Variants in MARCHF1 observed in about 807,000 individuals in gnomAD.
MARCHF1 encodes membrane associated ring-CH-type finger 1, also known as E3 ubiquitin-protein ligase MARCHF1.
In MARCHF1, 40 loss-of-function variants were observed where a neutral mutation model predicts 54.2. The observed-to-expected ratio is 0.74, with a 90% CI of 0.57 to 0.96. The LOEUF (loss-of-function observed/expected upper bound fraction) is 0.96, where lower values mean the gene tolerates loss of function less well. Ranked by LOEUF, MARCHF1 falls within the 40% of genes least tolerant of loss-of-function variation. MARCHF1 has a pLI of 0.00. For synonymous variants in MARCHF1, 236 were observed against 236.3 expected (o/e 1.00, Z 0.01); for missense variants, 586 against 656.5 (o/e 0.89, Z 1.17).
intron 5 of MARCHF1, among the ~76,000 whole-genome samples, chr4:163,662,183 T>G (rs1405638719): frequency 6.6e-6 from 1 of 152,038 alleles, no homozygotes; most frequent in Non-Finnish European, 1.5e-5. Context: ...AGTTTTTGGA[T>G]ATTTTCTTTA....
intron 1 of MARCHF1, among the ~76,000 whole-genome samples, chr4:164,149,528 AC>A (rs1217521077): frequency 8.0e-4 from 122 of 152,276 alleles, no homozygotes; most frequent in African/African-American, 2.4e-3. Context: ...TCGAGAAATG[AC>A]TGCTTTTCAG....
chr4:163,637,633 A>C (rs1308097619), intron 5 of MARCHF1, among the ~76,000 whole-genome samples: 1 of 149,600 alleles, frequency 6.7e-6, no homozygotes, highest in East Asian at 2.0e-4. Flanking sequence ...GAACACTTTT[A>C]CACTGTTGGT....
chr4:164,160,411 G>A (rs1730200515), intron 1 of MARCHF1, among the ~76,000 whole-genome samples: 1 of 152,092 alleles, frequency 6.6e-6, no homozygotes, highest in Admixed American at 6.6e-5. Flanking sequence ...CATAGATAGG[G>A]TAAAGTAAAA....
At chr4:163,764,012 G>A (rs183716037) in intron 4 of MARCHF1, among the ~76,000 whole-genome samples, 1 of 152,048 alleles carries the variant, frequency 6.6e-6, no homozygotes, top group East Asian at 1.9e-4. Context: ...CATTCCAAGT[G>A]TACACCACTG....
At chr4:164,031,626 A>C (rs562893562) in intron 2 of MARCHF1, among the ~76,000 whole-genome samples, 1 of 151,952 alleles carries the variant, frequency 6.6e-6, no homozygotes, top group Non-Finnish European at 1.5e-5. Flanking sequence ...TATGTGACGG[A>C]TTATGTCTAT....
intron 4 of MARCHF1, among the ~76,000 whole-genome samples, chr4:163,777,142 AT>A (rs1747331005): frequency 6.6e-6 from 1 of 152,204 alleles, no homozygotes; most frequent in Admixed American, 6.5e-5. Flanking sequence ...GCGTTGGTCA[AT>A]GAATCATGTT....
At chr4:163,823,332 A>G (rs1748751382) in intron 4 of MARCHF1, among the ~76,000 whole-genome samples, 1 of 151,882 alleles carries the variant, frequency 6.6e-6, no homozygotes, top group South Asian at 2.1e-4. Flanking sequence ...TGGATCAGGT[A>G]GTTGATATAT....
At chr4:164,242,911 G>T (rs1340608985) in intron 1 of MARCHF1, among the ~76,000 whole-genome samples, 1 of 144,594 alleles carries the variant, frequency 6.9e-6, no homozygotes, top group Non-Finnish European at 1.5e-5. Context: ...AATGAAGCGA[G>T]AAGGGAAGTT....
intron 1 of MARCHF1, among the ~76,000 whole-genome samples, chr4:164,186,255 G>GA (rs1730967563): frequency 6.6e-6 from 1 of 152,128 alleles, no homozygotes; most frequent in African/African-American, 2.4e-5. Flanking sequence ...TCACCAACGT[G>GA]AATAACGTGT....
intron 3 of MARCHF1, among the ~76,000 whole-genome samples, chr4:163,955,212 TAAA>T (rs574633631): frequency 1.8e-5 from 2 of 111,816 alleles, no homozygotes; most frequent in Non-Finnish European, 1.9e-5. Flanking sequence ...TACTGAACAT[TAAA>T]AAAAAAAAAA....
intron 5 of MARCHF1, among the ~76,000 whole-genome samples, chr4:163,620,606 C>CACACACACACACAGAGAG (rs1282901525): frequency 1.9e-4 from 11 of 56,944 alleles, no homozygotes; most frequent in African/African-American, 4.2e-4. Flanking sequence ...CACACACACA[C>CACACACACACACAGAGAG]AGAGAGAGAG....
chr4:163,827,139 A>C (rs1447800616), intron 4 of MARCHF1, among the ~76,000 whole-genome samples: 1 of 152,030 alleles, frequency 6.6e-6, no homozygotes, highest in Non-Finnish European at 1.5e-5. Flanking sequence ...ACAGGTAGCA[A>C]TGTCTCCTTT....
chr4:164,002,153 T>G (rs542327695), intron 2 of MARCHF1, among the ~76,000 whole-genome samples: 142 of 151,722 alleles, frequency 9.4e-4, no homozygotes, highest in South Asian at 2.7e-3. Context: ...AAAATCCAGA[T>G]TCTCAACAAC....
chr4:163,899,983 C>A (rs1560810681), intron 3 of MARCHF1, among the ~76,000 whole-genome samples: 4 of 151,896 alleles, frequency 2.6e-5, no homozygotes, highest in Non-Finnish European at 5.9e-5. Flanking sequence ...ACATAGCTTG[C>A]TCCTTCATGT....
At chr4:164,072,135 C>T (rs1374632151) in intron 2 of MARCHF1, among the ~76,000 whole-genome samples, 2 of 152,112 alleles carry the variant, frequency 1.3e-5, no homozygotes, top group African/African-American at 2.4e-5. Flanking sequence ...GGCTCCTTCG[C>T]CATTTGATAT....
chr4:164,293,570 T>G lies in MARCHF1; in HGVS notation c.-323+90300A>C, dbSNP rs151020555. Among the ~76,000 whole-genome samples, 11 of 152,378 alleles carry G rather than the reference T, an allele frequency of 7.2e-5. No homozygotes were observed. The East Asian group carries it at 2.1e-3, about 29-fold the overall frequency. Reference sequence around the variant, plus strand: ...AAATGTAATTTGTCTAAAGTTTTTCTTTTAATACAATGATATTTTAGTGTT... The same window carrying G: ...AAATGTAATTTGTCTAAAGTTTTTCGTTTAATACAATGATATTTTAGTGTT... On this transcript the variant is annotated intron_variant, in intron 1 of 9. Transcript: ENST00000514618.
chr4:163,535,376 CCTT>C (rs1218185128), intron 9 of MARCHF1, among the ~76,000 whole-genome samples: 1 of 152,042 alleles, frequency 6.6e-6, no homozygotes, highest in African/African-American at 2.4e-5. Context: ...TTCAATTCTC[CCTT>C]CTTCTCCCCC....
intron 5 of MARCHF1, among the ~76,000 whole-genome samples, chr4:163,632,859 T>G (rs1290018095): frequency 6.6e-6 from 1 of 152,188 alleles, no homozygotes; most frequent in Non-Finnish European, 1.5e-5. Flanking sequence ...CTGACAGCTT[T>G]GAAGAGAGCA....
chr4:163,770,121 T>G (rs898917428), intron 4 of MARCHF1, among the ~76,000 whole-genome samples: 1 of 152,176 alleles, frequency 6.6e-6, no homozygotes, highest in Non-Finnish European at 1.5e-5. Flanking sequence ...AATAATCACA[T>G]ACAAAATAAG....
Sources: gnomAD v4.1 joint callset for allele counts (sites outside exome capture counted in the v4.1 genomes callset) on GRCh38, gnomAD v4.1.1 for gene constraint, MANE v1.5 for transcripts, NCBI Gene and HGNC (gene_info 2026-07-23, HGNC 2026-07-21) for gene names.